Variants in C20orf96 observed in about 807,000 individuals in gnomAD.
C20orf96 encodes the protein uncharacterized protein C20orf96.
A neutral mutation model predicts 52.6 loss-of-function variants in C20orf96; 57 were observed. The ratio of observed to expected loss-of-function variants is 1.08; its 90% CI spans 0.88 to 1.35. The LOEUF is 1.35. C20orf96 is among the 40% of genes most tolerant of loss of function. The probability of loss-of-function intolerance (pLI) is 0.00; values close to 1 mark genes in which losing one functional copy is unlikely to be tolerated. For missense variants in C20orf96, 478 were observed against 443.6 expected, an observed-to-expected ratio of 1.08 and a Z score of -0.70; for synonymous variants, 168 against 157.2, an observed-to-expected ratio of 1.07 and a Z score of -0.51.
At chr20:279,982 A>AATG (rs1188107575) in intron 4 of C20orf96, among the ~76,000 whole-genome samples, 1 of 152,014 alleles carries the variant, frequency 6.6e-6, no homozygotes, top group Non-Finnish European at 1.5e-5. Context: ...TAATAATAAT[A>AATG]ATAATAAACG....
chr20:276,471 T>C (rs2012026727), intron 9 of C20orf96: 2 of 985,376 alleles, frequency 2.0e-6, no homozygotes, highest in African/African-American at 3.5e-5. Flanking sequence ...TTAACACTGA[T>C]AATGGGTGGT....
At position 271,895 on chromosome 20, in the gene C20orf96, A is replaced by G. The variant is rs1355141379; in HGVS notation, c.1032-628T>C. Among the ~76,000 whole-genome samples, 5 of 152,240 alleles carry G rather than the reference A, an allele frequency of 3.3e-5. No individual in the cohort carries two copies. In the East Asian group the frequency reaches 9.6e-4, roughly 29 times the overall value. On this transcript the variant is annotated intron_variant, in intron 10 of 10. Transcript: ENST00000360321. ...GTAGCAAGAGAGATGGATTCCCATC[A>G]GCAATATATTCCCCATTGCAGGGAC...
Position 276,802 on chromosome 20 carries a change from C to T in C20orf96, c.903G>A (p.Arg301=), listed in dbSNP as rs1002362911. Residue 301 remains arginine, a synonymous_variant, in exon 9 of 11, where the codon AGG becomes AGA. Coordinates refer to ENST00000360321, the MANE Select transcript of C20orf96 (RefSeq NM_153269.3). ...ESQDFLKCMQ[R]FREIIDQFEE... ...TTCCTTGCCCACGCACTTCTCTGAACCTTTGCATGCATTTCAGGAAGTCCT... is the reference window on the plus strand; with the variant it reads ...TTCCTTGCCCACGCACTTCTCTGAATCTTTGCATGCATTTCAGGAAGTCCT... The T allele has an allele frequency of 2.5e-6, 4 of 1,613,056 alleles. No homozygotes were observed. Among genetic ancestry groups the T allele is most frequent in the African/African-American group, 1.3e-5 (1 of 74,938 alleles).
At chr20:285,478 T>G (rs2012358831) in intron 3 of C20orf96, among the ~76,000 whole-genome samples, 1 of 152,244 alleles carries the variant, frequency 6.6e-6, no homozygotes, top group African/African-American at 2.4e-5. Context: ...ATAAATTACC[T>G]GTATATATCC....
intron 3 of C20orf96, 25 bp from the exon 4 acceptor site, chr20:284,106 G>T: frequency 6.3e-7 from 1 of 1,594,576 alleles, no homozygotes; most frequent in Non-Finnish European, 8.6e-7. Flanking sequence ...GAAAGGACAG[G>T]GAGAGAGTGA....
chr20:277,163 G>A lies in C20orf96; in HGVS notation c.724-18C>T, dbSNP rs756458026. Reference sequence around the variant, plus strand: ...AGCTCATCCTGGGAGCCAGCAGAAGGGTGTTGGTCACCAGTCCTGCCTCCC... The same window carrying A: ...AGCTCATCCTGGGAGCCAGCAGAAGAGTGTTGGTCACCAGTCCTGCCTCCC... On this transcript the variant is annotated intron_variant, in intron 7 of 10. Transcript: ENST00000360321. The A allele has an allele frequency of 3.1e-6, 5 of 1,613,546 alleles. No homozygotes were observed. The highest frequency in any genetic ancestry group is 1.7e-5 in the Admixed American group (1 of 60,006).
At chr20:284,344 G>C (rs1396981222) in intron 3 of C20orf96, among the ~76,000 whole-genome samples, 1 of 152,218 alleles carries the variant, frequency 6.6e-6, no homozygotes, top group Non-Finnish European at 1.5e-5. Flanking sequence ...GGGCAGGGCA[G>C]CCAGGAACCC....
At chr20:275,832 T>G (rs987490713) in intron 10 of C20orf96, 136 bp downstream of exon 10, 30 of 804,896 alleles carry the variant, frequency 3.7e-5, no homozygotes, top group Non-Finnish European at 6.4e-5. Flanking sequence ...AGATCCAAGG[T>G]GGAAACCCAG....
intron 3 of C20orf96, among the ~76,000 whole-genome samples, chr20:288,266 T>C (rs1167917715): frequency 2.0e-5 from 3 of 151,108 alleles, no homozygotes; most frequent in Non-Finnish European, 4.4e-5. Flanking sequence ...GAATTGTTTT[T>C]CCACTTTCTG....
intron 4 of C20orf96, among the ~76,000 whole-genome samples, chr20:281,195 A>C (rs1470884574): frequency 3.3e-5 from 5 of 152,082 alleles, no homozygotes; most frequent in Non-Finnish European, 5.9e-5. Flanking sequence ...AATTTTAAAA[A>C]ATTAAAATGT....
Position 286,701 on chromosome 20 carries a change from A to C in C20orf96, c.188-2620T>G, listed in dbSNP as rs2012396335. 2.0e-5 allele frequency among the ~76,000 whole-genome samples: 3 copies of C among 152,140 alleles called. No homozygotes were observed. In the South Asian group the frequency reaches 6.2e-4, roughly 32 times the overall value. ...ACATCCTGCAAAAGTACGGTACAAT[A>C]TCACAACCAGGATATTGACATTAAG... On this transcript the variant is annotated intron_variant, in intron 3 of 10. Transcript: ENST00000360321.
At chr20:281,951 A>G (rs1418263597) in intron 4 of C20orf96, among the ~76,000 whole-genome samples, 2 of 152,230 alleles carry the variant, frequency 1.3e-5, no homozygotes, top group African/African-American at 4.8e-5. Flanking sequence ...TGGATGACAC[A>G]GCGAGACCCT....
intron 3 of C20orf96, among the ~76,000 whole-genome samples, chr20:286,554 G>A (rs980158958): frequency 6.7e-6 from 1 of 148,784 alleles, no homozygotes; most frequent in Admixed American, 6.8e-5. Flanking sequence ...AAGGAGAGGA[G>A]AGGAGAGGGG....
chr20:271,358 G>T, intron 10 of C20orf96, 91 bp from the exon 11 acceptor site: 1 of 1,061,048 alleles, frequency 9.4e-7, no homozygotes, highest in Non-Finnish European at 1.4e-6. Flanking sequence ...TAGAACTCTG[G>T]TACGTACTTG....
intron 10 of C20orf96, among the ~76,000 whole-genome samples, chr20:272,538 T>C (rs2011874874): frequency 6.6e-6 from 1 of 152,156 alleles, no homozygotes; most frequent in Non-Finnish European, 1.5e-5. Flanking sequence ...TAATTTTTTG[T>C]AGAGATGGAG....
chr20:278,476 C>G (rs2012102667), intron 5 of C20orf96, 47 bp from the exon 6 acceptor site: 2 of 1,461,722 alleles, frequency 1.4e-6, no homozygotes, highest in African/African-American at 2.8e-5. Context: ...TGCTGGCTCT[C>G]AGAGGCGGCC....
Position 289,740 on chromosome 20 carries a change from A to G in C20orf96, c.70-64T>C, listed in dbSNP as rs924529492. ...TATATCCCAGCTCTACCCTTTTCAG[A>G]TATCTGTGACCCCAAGCAAGTGACT... is the stretch of plus-strand genomic sequence containing the variant. On this transcript the variant is annotated intron_variant, in intron 2 of 10. Transcript: ENST00000360321. 1.8e-5 allele frequency: 24 copies of G among 1,340,920 alleles called. No homozygotes were observed. The Admixed American group carries it at 3.4e-4, about 19-fold the overall frequency. 83.1% of individuals were successfully genotyped at this position (1,340,920 alleles called of 1,614,324 possible).
At chr20:283,876 C>T (rs2012313754) in intron 4 of C20orf96, 87 bp downstream of exon 4, 4 of 912,370 alleles carry the variant, frequency 4.4e-6, no homozygotes, top group South Asian at 2.8e-5. Flanking sequence ...AAGTCTGGCA[C>T]CCACAAAGTT....
chr20:286,259 G>A (rs2012381856), intron 3 of C20orf96, among the ~76,000 whole-genome samples: 1 of 152,172 alleles, frequency 6.6e-6, no homozygotes, highest in African/African-American at 2.4e-5. Flanking sequence ...GCTCACGCCT[G>A]TAATCCCAGC....
Sources: allele counts gnomAD v4.1 joint callset (sites outside exome capture counted in the v4.1 genomes callset), GRCh38; gene constraint gnomAD v4.1.1; transcripts MANE v1.5; gene names NCBI Gene and HGNC (gene_info 2026-07-23, HGNC 2026-07-21).